DLAT: variants seen among roughly 807,000 people sequenced by gnomAD.
DLAT encodes dihydrolipoyllysine-residue acetyltransferase component of pyruvate dehydrogenase complex, mitochondrial.
DLAT carries 43 observed loss-of-function variants against 68.0 expected under a neutral mutation model. The observed-to-expected ratio is 0.63, with a 90% CI of 0.50 to 0.81. DLAT has a LOEUF of 0.81. Among genes scored for constraint, DLAT ranks in the 40% least tolerant of loss-of-function variants. DLAT has a pLI of 0.00. For missense variants in DLAT, 745 were observed against 815.4 expected (o/e 0.91, Z 1.05); for synonymous variants, 265 against 288.6 (o/e 0.92, Z 0.83).
intron 6 of DLAT, among the ~76,000 whole-genome samples, chr11:112,038,260 G>A (rs964437821): frequency 2.6e-5 from 4 of 152,056 alleles, no homozygotes; most frequent in East Asian, 1.9e-4. Context: ...GTGCAGTGGC[G>A]TGATCTTGGC....
In DLAT at chr11:112,025,878, C is replaced by T. The variant is rs1861968227; in HGVS notation, c.279+127C>T. 14 of 1,274,496 alleles carry T rather than the reference C, an allele frequency of 1.1e-5. No homozygotes were observed. In the South Asian group the frequency reaches 2.1e-4, roughly 19 times the overall value. 78.9% of individuals were successfully genotyped at this position (1,274,496 alleles called of 1,614,324 possible). A position where few individuals can be genotyped will look rare whatever the true frequency, so the allele number is the denominator to read the frequency against. On this transcript the variant is annotated intron_variant, in intron 1 of 13. Transcript: ENST00000280346. ...CCCAGTATCTGCTTTGGCCCTTTGT[C>T]CAATAGTTGGCTTTGCTGTAGCTCC...
At chr11:112,042,898 G>A (rs587734982) in intron 7 of DLAT, among the ~76,000 whole-genome samples, 2 of 152,144 alleles carry the variant, frequency 1.3e-5, no homozygotes, top group South Asian at 4.1e-4. Flanking sequence ...TAAGATAATT[G>A]CAGTAAAGAG....
Position 112,037,457 on chromosome 11 carries a change from C to T in DLAT, c.972C>T (p.Pro324=). 6.2e-7 allele frequency: 1 copy of T among 1,613,858 alleles called. No individual in the cohort carries two copies. Among genetic ancestry groups the T allele is most frequent in the African/African-American group, 1.3e-5 (1 of 75,030 alleles). ...LKPQVPPPTP[P]PVAAVPPTPQ... The stretch of plus-strand genomic sequence containing the variant: ...CACAAGTGCCACCACCTACCCCACC[C>T]CCGGTAGGTATGCTTCTAGAATTCA... The change falls in exon 6 of 14, where the codon CCC becomes CCT. Residue 324 remains proline (P), a synonymous_variant. Transcript: ENST00000280346.
At position 112,058,673 on chromosome 11, in the gene DLAT, C is replaced by A. The variant is rs1864301572; in HGVS notation, c.1515-1230C>A. Reference sequence around the variant, plus strand: ...TTTTTTCTACTAACATTTAGCATTTCTTCCTTTTATAAATGTAGAGAACAG... The same window carrying A: ...TTTTTTCTACTAACATTTAGCATTTATTCCTTTTATAAATGTAGAGAACAG... On this transcript the variant is annotated intron_variant, in intron 11 of 13. Coordinates refer to ENST00000280346, the MANE Select transcript of DLAT (RefSeq NM_001931.5). 2.8e-5 allele frequency among the ~76,000 whole-genome samples: 4 copies of A among 144,584 alleles called. No individual in the cohort carries two copies. In the Middle Eastern group the frequency reaches 0.015, roughly 544 times the overall value. The allele number at this position is 144,584 out of a possible 152,430, so 94.9% of individuals were successfully genotyped here.
At chr11:112,031,116 A>G (rs1336762194) in intron 4 of DLAT, among the ~76,000 whole-genome samples, 1 of 152,250 alleles carries the variant, frequency 6.6e-6, no homozygotes, top group Non-Finnish European at 1.5e-5. Context: ...CTTAAGAAGC[A>G]GATGAAGATG....
Position 112,051,229 on chromosome 11 carries a change from T to C in DLAT, c.1399-5T>C, listed in dbSNP as rs782366805. 13 of 1,577,572 alleles carry C rather than the reference T, an allele frequency of 8.2e-6. No individual in the cohort carries two copies. The highest frequency in any genetic ancestry group is 1.1e-5 in the Non-Finnish European group (13 of 1,150,318). On this transcript the variant is annotated splice_region_variant and splice_polypyrimidine_tract_variant and intron_variant, in intron 10 of 13. Coordinates refer to ENST00000280346, the MANE Select transcript of DLAT (RefSeq NM_001931.5). This position sits in a 1 kb window ranked among gnomAD's most constrained non-coding sequence, Gnocchi z 4.3. ...AAGAAACTACAGTTCTTCTTGTCTT[T>C]CCAGATATTAGAAGGGAGAAGCAAA...
chr11:112,045,282 G>T (rs1348329152), intron 9 of DLAT, 52 bp downstream of exon 9: 14 of 1,372,354 alleles, frequency 1.0e-5, no homozygotes, highest in Non-Finnish European at 1.2e-5. Context: ...TCTTTAGGTT[G>T]TTTAGTTGCT....
chr11:112,051,610 TG>T lies in DLAT; in HGVS notation c.1514+262del, dbSNP rs1325345606. On this transcript the variant is annotated intron_variant, in intron 11 of 13. Coordinates refer to ENST00000280346, the MANE Select transcript of DLAT (RefSeq NM_001931.5). The surrounding 1 kb of genome is among the most constrained non-coding windows in gnomAD (Gnocchi z 4.3). ...TTTATTTTTTAAAGAGATAGGGTCT[TG>T]CTCTGTTGTCCAGGCTGGTCTTGAA... 1.3e-5 allele frequency among the ~76,000 whole-genome samples: 2 copies of T among 152,176 alleles called. No individual in the cohort carries two copies. The highest frequency in any genetic ancestry group is 2.9e-5 in the Non-Finnish European group (2 of 68,026).
chr11:112,028,804 T>G lies in DLAT; in HGVS notation c.519T>G (p.Ile173Met), dbSNP rs1862230526. The G allele has an allele frequency of 3.7e-6, 6 of 1,614,168 alleles. No homozygotes were observed. The highest frequency in any genetic ancestry group is 1.3e-5 in the African/African-American group (1 of 75,046). ...TTCTCTTCCTTAGGCCTGAGGATAT[T>G]GAGGCCTTTAAAAATTATACACTGG... ...ICITVGKPED[I>M]EAFKNYTLDS... is the part of the protein sequence containing the mutation. The change falls in exon 4 of 14, where the codon ATT (isoleucine) becomes ATG (methionine). Residue 173 changes from isoleucine to methionine, a missense_variant. By Grantham distance (10) the Ile-to-Met change is conservative. Transcript: ENST00000280346.
intron 10 of DLAT, among the ~76,000 whole-genome samples, chr11:112,049,504 T>C (rs1555181790): frequency 6.6e-6 from 1 of 152,186 alleles, no homozygotes; most frequent in Admixed American, 6.5e-5. Flanking sequence ...TTGATACTAC[T>C]CTAAGTGGAA....
intron 11 of DLAT, among the ~76,000 whole-genome samples, chr11:112,052,720 T>G (rs1555182122): frequency 6.6e-6 from 1 of 152,054 alleles, no homozygotes; most frequent in East Asian, 1.9e-4. Flanking sequence ...GAAAAAAGTC[T>G]TTGTAGAGTT....
intron 2 of DLAT, among the ~76,000 whole-genome samples, chr11:112,027,305 C>T (rs4250418): frequency 2.1e-4 from 28 of 132,922 alleles, no homozygotes; most frequent in African/African-American, 8.7e-4. Context: ...CCAGACGGGG[C>T]GGCGGGGCAG....
intron 12 of DLAT, 93 bp downstream of exon 12, chr11:112,060,158 A>ATTTT (rs782188808): frequency 2.4e-4 from 138 of 568,368 alleles, no homozygotes; most frequent in African/African-American, 3.6e-4. Context: ...CTGTCACGTA[A>ATTTT]TTTTTTTTTT....
At chr11:112,026,902 C>T (rs1237641059) in intron 2 of DLAT, among the ~76,000 whole-genome samples, 9 of 151,208 alleles carry the variant, frequency 6.0e-5, no homozygotes, top group East Asian at 2.0e-4. Context: ...TGGGCAGAGG[C>T]GCCCCTCACC....
At chr11:112,059,417 G>C (rs1555182944) in intron 11 of DLAT, among the ~76,000 whole-genome samples, 2 of 151,182 alleles carry the variant, frequency 1.3e-5, no homozygotes, top group Admixed American at 1.3e-4. Flanking sequence ...TTGGGGGATG[G>C]AGTCTCGCTC....
intron 7 of DLAT, among the ~76,000 whole-genome samples, chr11:112,040,829 C>G (rs587609715): frequency 6.6e-6 from 1 of 151,214 alleles, no homozygotes; most frequent in East Asian, 1.9e-4. Context: ...TTTAGACAAG[C>G]AAAGAAGGAC....
At chr11:112,042,329 C>T (rs1555181052) in intron 7 of DLAT, among the ~76,000 whole-genome samples, 7 of 152,184 alleles carry the variant, frequency 4.6e-5, no homozygotes, top group Admixed American at 6.6e-5. Flanking sequence ...TATGGATTTC[C>T]TCCTCTTGAG....
rs1555180635 is a variant in DLAT at position 112,037,446 on chromosome 11, C to T, written c.961C>T (p.Pro321Ser). Residue 321 changes from proline (P) to serine (S), a missense_variant, in exon 6 of 14, where the codon CCT (proline) becomes TCT (serine). Pro to Ser is a moderately conservative substitution (Grantham distance 74). Coordinates refer to ENST00000280346, the MANE Select transcript of DLAT (RefSeq NM_001931.5). ...AGATTTAAAACCACAAGTGCCACCACCTACCCCACCCCCGGTAGGTATGCT... is the reference window on the plus strand; with the variant it reads ...AGATTTAAAACCACAAGTGCCACCATCTACCCCACCCCCGGTAGGTATGCT... ...VTDLKPQVPP[P>S]TPPPVAAVPP... The T allele has an allele frequency of 6.2e-7, 1 of 1,613,764 alleles. No individual in the cohort carries two copies. The highest frequency in any genetic ancestry group is 1.7e-5 in the Admixed American group (1 of 60,008).
chr11:112,032,860 G>A (rs782684192), intron 4 of DLAT, among the ~76,000 whole-genome samples: 1 of 152,114 alleles, frequency 6.6e-6, no homozygotes, highest in Admixed American at 6.5e-5. Flanking sequence ...GTGGATGGGC[G>A]TTCAGAGACC....
Sources: allele counts gnomAD v4.1 joint callset (sites outside exome capture counted in the v4.1 genomes callset), GRCh38; gene constraint gnomAD v4.1.1; non-coding constraint Gnocchi (gnomAD v3.1); transcripts MANE v1.5; gene names NCBI Gene and HGNC (gene_info 2026-07-23, HGNC 2026-07-21).